GTPBP10: variants seen among roughly 807,000 people sequenced by gnomAD.
The protein encoded by GTPBP10 is GTP-binding protein 10.
In GTPBP10, 38 loss-of-function variants were observed where a neutral mutation model predicts 44.8. The observed-to-expected ratio is 0.85, with a 90% confidence interval of 0.65 to 1.11. The LOEUF (loss-of-function observed/expected upper bound fraction) is 1.11. GTPBP10 is among the 50% of genes most tolerant of loss of function. The pLI is 0.00. For missense variants in GTPBP10, 462 were observed against 453.7 expected, an observed-to-expected ratio of 1.02 and a Z score of -0.17; for synonymous variants, 152 against 150.6, an observed-to-expected ratio of 1.01 and a Z score of -0.07.
intron 3 of GTPBP10, 131 bp from the exon 4 acceptor site, chr7:90,354,955 A>C (rs557383600): frequency 2.2e-4 from 117 of 523,110 alleles, no homozygotes; most frequent in African/African-American, 1.8e-3. Flanking sequence ...ATATTACATT[A>C]ATGATTTCAC....
At chr7:90,369,758 C>T (rs547424788) in intron 4 of GTPBP10, among the ~76,000 whole-genome samples, 8 of 152,286 alleles carry the variant, frequency 5.3e-5, no homozygotes, top group Admixed American at 2.6e-4. Context: ...GAAAATCCCC[C>T]GATCCCTTGT....
At chr7:90,375,076 A>T (rs1411395219) in intron 6 of GTPBP10, among the ~76,000 whole-genome samples, 1 of 152,186 alleles carries the variant, frequency 6.6e-6, no homozygotes, top group Non-Finnish European at 1.5e-5. Flanking sequence ...AAGCCTCAAA[A>T]AGACCTAGGG....
chr7:90,361,290 T>C (rs1252750894), intron 4 of GTPBP10, among the ~76,000 whole-genome samples: 1 of 152,220 alleles, frequency 6.6e-6, no homozygotes, highest in Non-Finnish European at 1.5e-5. Flanking sequence ...ATAGCTCTCA[T>C]TATTTTGAGA....
rs373009736 is a variant in GTPBP10, at chr7:90,368,512, G to T, written c.465-3643G>T. 4.0e-5 allele frequency among the ~76,000 whole-genome samples: 6 copies of T among 151,644 alleles called. No individual in the cohort carries two copies. The East Asian group carries it at 9.7e-4, about 24-fold the overall frequency. The stretch of plus-strand genomic sequence containing the variant: ...TTTCAGTTTTTTTTCCTCTAATTTT[G>T]TCTTCTCGCTTTATTTCATTAATTT... On this transcript the variant is annotated intron_variant, in intron 4 of 9. Coordinates refer to ENST00000222511, the MANE Select transcript of GTPBP10 (RefSeq NM_033107.4).
In GTPBP10 at chr7:90,384,970, T is replaced by A; in HGVS notation, c.980T>A (p.Val327Asp). ...EFQHIIPISA[V>D]TGEGIEELKN... is the part of the protein sequence containing the mutation. ...CAACATATCATCCCCATATCTGCAG[T>A]TACTGGAGAAGGAATCGAAGAATTA... The change falls in exon 10 of 10, where the codon GTT becomes GAT. Residue 327 changes from valine (V) to aspartate (D), a missense_variant. Coordinates refer to ENST00000222511, the MANE Select transcript of GTPBP10 (RefSeq NM_033107.4). 6.2e-7 allele frequency: 1 copy of A among 1,612,348 alleles called. No homozygotes were observed. The highest frequency in any genetic ancestry group is 8.5e-7 in the Non-Finnish European group (1 of 1,178,586).
intron 2 of GTPBP10, among the ~76,000 whole-genome samples, chr7:90,354,113 C>T (rs980532619): frequency 6.6e-6 from 1 of 152,068 alleles, no homozygotes; most frequent in African/African-American, 2.4e-5. Context: ...AGATTACAGG[C>T]GTGAGCCACC....
rs2115793479 is a variant in GTPBP10 at position 90,385,528 on chromosome 7, A to T, written c.*374A>T. The T allele has an allele frequency of 6.2e-6, 1 of 160,868 alleles. No individual in the cohort carries two copies. Among genetic ancestry groups the T allele is most frequent in the South Asian group, 1.9e-4 (1 of 5,256 alleles). 10.0% of individuals were successfully genotyped at this position (160,868 alleles called of 1,614,324 possible). A position where few individuals can be genotyped will look rare whatever the true frequency, so the allele number is the denominator to read the frequency against. On this transcript the variant is annotated 3_prime_UTR_variant, in exon 10 of 10. Coordinates refer to ENST00000222511, the MANE Select transcript of GTPBP10 (RefSeq NM_033107.4). ...TCCAAAAAAGCACATAAGGTAATGC[A>T]CGTTAATTAGCTATATTGAGCCATT...
At chr7:90,374,699 A>G (rs1211726846) in intron 6 of GTPBP10, among the ~76,000 whole-genome samples, 1 of 152,108 alleles carries the variant, frequency 6.6e-6, no homozygotes, top group African/African-American at 2.4e-5. Flanking sequence ...TTTTATTCCA[A>G]CTTTTCTTTT....
intron 4 of GTPBP10, among the ~76,000 whole-genome samples, chr7:90,364,705 G>T (rs997879534): frequency 6.6e-6 from 1 of 152,188 alleles, no homozygotes; most frequent in Non-Finnish European, 1.5e-5. Flanking sequence ...GCTGCCTTTT[G>T]TTTGGCTATG....
At chr7:90,351,840 C>T (rs755751373) in intron 1 of GTPBP10, among the ~76,000 whole-genome samples, 2 of 152,052 alleles carry the variant, frequency 1.3e-5, no homozygotes, top group African/African-American at 2.4e-5. Context: ...GGACTACAGG[C>T]GCCCGCCACC....
At chr7:90,356,147 GCTT>G (rs1363822717) in intron 4 of GTPBP10, among the ~76,000 whole-genome samples, 1 of 152,024 alleles carries the variant, frequency 6.6e-6, no homozygotes, top group African/African-American at 2.4e-5. Context: ...TCATCTCACT[GCTT>G]CTTTACCAGA....
chr7:90,352,171 A>G (rs1216190785), intron 1 of GTPBP10, among the ~76,000 whole-genome samples: 1 of 152,212 alleles, frequency 6.6e-6, no homozygotes, highest in Non-Finnish European at 1.5e-5. Flanking sequence ...ACTGGAGAGA[A>G]GAGAGTAGGG....
intron 4 of GTPBP10, 121 bp downstream of exon 4, chr7:90,355,351 G>A (rs918340961): frequency 4.9e-6 from 3 of 610,104 alleles, no homozygotes; most frequent in Admixed American, 6.6e-5. Context: ...TGTGTGTTGT[G>A]TATGTACTTG....
chr7:90,384,825 A>G lies in GTPBP10; in HGVS notation c.902-67A>G, dbSNP rs996293216. On this transcript the variant is annotated intron_variant, in intron 9 of 9. Coordinates refer to ENST00000222511, the MANE Select transcript of GTPBP10 (RefSeq NM_033107.4). The stretch of plus-strand genomic sequence containing the variant: ...GGTTCCCTGCTTCACAAATCAAACC[A>G]TTAACATGGTTTTAACTAACTTTCG... 3.4e-6 allele frequency: 5 copies of G among 1,485,684 alleles called. No individual in the cohort carries two copies. The African/African-American group carries it at 7.0e-5, about 21-fold the overall frequency. 92.0% of individuals were successfully genotyped at this position (1,485,684 alleles called of 1,614,324 possible).
rs996884858 is a variant in GTPBP10 at position 90,353,582 on chromosome 7, A to AT, written c.227+582dup. 9.2e-5 allele frequency among the ~76,000 whole-genome samples: 14 copies of AT among 151,484 alleles called. No individual in the cohort carries two copies. The East Asian group carries it at 9.6e-4, about 10-fold the overall frequency. ...CATTTGTCTATTTAGGTTATTGTTG[A>AT]TTTTTTTTTCCGATTATAACCACAG... On this transcript the variant is annotated intron_variant, in intron 2 of 9. Coordinates refer to ENST00000222511, the MANE Select transcript of GTPBP10 (RefSeq NM_033107.4).
At chr7:90,359,320 G>C (rs1342593304) in intron 4 of GTPBP10, among the ~76,000 whole-genome samples, 2 of 150,966 alleles carry the variant, frequency 1.3e-5, no homozygotes, top group African/African-American at 4.9e-5. Context: ...GACAGGCCCT[G>C]GTGTGATGTT....
chr7:90,362,094 T>C (rs1796034322), intron 4 of GTPBP10, among the ~76,000 whole-genome samples: 2 of 59,294 alleles, frequency 3.4e-5, no homozygotes, highest in Non-Finnish European at 7.4e-5. Context: ...CCTGGATTCA[T>C]TGATTTTTTT....
chr7:90,384,130 G>A (rs1303712936), intron 9 of GTPBP10, among the ~76,000 whole-genome samples: 2 of 152,106 alleles, frequency 1.3e-5, no homozygotes, highest in Non-Finnish European at 2.9e-5. Context: ...CTGACCTATC[G>A]TGAAATAAAA....
At chr7:90,383,123 C>A in intron 9 of GTPBP10, 44 bp downstream of exon 9, 1 of 1,404,344 alleles carries the variant, frequency 7.1e-7, no homozygotes. Flanking sequence ...AGAATAATTA[C>A]AATGTACAGA....
Sources: gnomAD v4.1 joint callset for allele counts (sites outside exome capture counted in the v4.1 genomes callset) on GRCh38, gnomAD v4.1.1 for gene constraint, MANE v1.5 for transcripts, NCBI Gene and HGNC (gene_info 2026-07-23, HGNC 2026-07-21) for gene names.